The following CFAP47 variants were observed in gnomAD, a reference collection of about 807,000 sequenced individuals.
The protein encoded by CFAP47 is cilia- and flagella-associated protein 47.
Under a neutral mutation model 148.1 loss-of-function variants are expected in CFAP47, and 29 were observed. The ratio of observed to expected loss-of-function variants is 0.20; its 90% confidence interval spans 0.15 to 0.27. The LOEUF (loss-of-function observed/expected upper bound fraction) is 0.27. Ranked by LOEUF, CFAP47 falls within the 10% of genes least tolerant of loss-of-function variation. The pLI is 1.00. For synonymous variants in CFAP47, 664 were observed against 577.3 expected (o/e 1.15, Z -2.15); for missense variants, 1,872 against 1,697.5 (o/e 1.10, Z -1.81).
intron 39 of CFAP47, among the ~76,000 whole-genome samples, chrX:36,176,576 ATCACGTTGT>A (rs1341670013): frequency 8.9e-6 from 1 of 112,001 alleles, no homozygotes; most frequent in Non-Finnish European, 1.9e-5. Flanking sequence ...TAATATTAGA[ATCACGTTGT>A]TCTAGGTCAG....
chrX:36,113,924 C>T (rs1378331252), intron 33 of CFAP47, among the ~76,000 whole-genome samples: 1 of 108,896 alleles, frequency 9.2e-6, no homozygotes, highest in African/African-American at 3.4e-5. Flanking sequence ...ATTCTCCTGC[C>T]TCAGACTCCT....
chrX:36,087,876 C>T (rs777159007), intron 30 of CFAP47, among the ~76,000 whole-genome samples: 2 of 111,398 alleles, frequency 1.8e-5, no homozygotes, highest in African/African-American at 3.3e-5. Context: ...GAGCAAACAA[C>T]GTAAATTTTT....
At position 36,065,725 on chromosome X, in the gene CFAP47, A is replaced by T; in HGVS notation, c.4300A>T (p.Asn1434Tyr). ...PYMAIHLDKQ[N>Y]IILKNDKDEY... ...TATGGCAATTCATCTGGATAAGCAAAACATTATTTTAAAGAATGGTAAGCT... is the reference window on the plus strand; with the variant it reads ...TATGGCAATTCATCTGGATAAGCAATACATTATTTTAAAGAATGGTAAGCT... The change falls in exon 27 of 64, where the codon AAC (asparagine) becomes TAC (tyrosine). Residue 1434 changes from asparagine (N) to tyrosine (Y), a missense_variant. Asn to Tyr is a moderately radical substitution (Grantham distance 143). Transcript: ENST00000378653. 1 of 1,162,633 alleles carries T rather than the reference A, an allele frequency of 8.6e-7. No individual in the cohort carries two copies. The highest frequency in any genetic ancestry group is 3.0e-5 in the East Asian group (1 of 33,463).
chrX:35,972,221 A>C (rs866652823), intron 13 of CFAP47, among the ~76,000 whole-genome samples: 1 of 108,248 alleles, frequency 9.2e-6, no homozygotes, highest in African/African-American at 3.4e-5. Flanking sequence ...GTTACTCTCT[A>C]TTTCTTTCTT....
intron 27 of CFAP47, among the ~76,000 whole-genome samples, chrX:36,066,936 A>T (rs1420717832): frequency 8.9e-6 from 1 of 112,074 alleles, no homozygotes; most frequent in Non-Finnish European, 1.9e-5. Context: ...AGGAAAAAAA[A>T]TTCAGGGGTA....
intron 62 of CFAP47, chrX:36,374,660 A>G: frequency 6.6e-6 from 2 of 305,201 alleles, no homozygotes; most frequent in Non-Finnish European, 1.1e-5. Context: ...GATATTTATC[A>G]TTATAAGATT....
At chrX:36,277,062 G>T (rs960181211) in intron 49 of CFAP47, among the ~76,000 whole-genome samples, 1 of 111,827 alleles carries the variant, frequency 8.9e-6, no homozygotes, top group Admixed American at 9.5e-5. Context: ...GAACCTTCCT[G>T]TGGCTTCTTT....
At chrX:36,041,447 T>C (rs1468630957) in intron 25 of CFAP47, among the ~76,000 whole-genome samples, 1 of 111,784 alleles carries the variant, frequency 8.9e-6, no homozygotes, top group Non-Finnish European at 1.9e-5. Context: ...GGGTTAATAC[T>C]TGAAACTTCA....
chrX:36,039,605 G>A (rs764271056), intron 25 of CFAP47, among the ~76,000 whole-genome samples: 10 of 112,229 alleles, frequency 8.9e-5, no homozygotes, highest in Non-Finnish European at 1.5e-4. Context: ...ATAAGCAGAA[G>A]TCAAGGTGTT....
intron 49 of CFAP47, among the ~76,000 whole-genome samples, chrX:36,251,936 C>T (rs1940697438): frequency 9.0e-6 from 1 of 110,789 alleles, no homozygotes; most frequent in South Asian, 3.7e-4. Flanking sequence ...CCGCAATGGT[C>T]CCAGAACAGA....
At chrX:36,371,924 G>GTA (rs200941908) in intron 62 of CFAP47, among the ~76,000 whole-genome samples, 601 of 59,951 alleles carry the variant, frequency 0.01, 105 homozygotes, top group African/African-American at 0.07. Flanking sequence ...GTATATATGT[G>GTA]TATATACACA....
chrX:36,261,320 C>CTT (rs143068749), intron 49 of CFAP47, among the ~76,000 whole-genome samples: 1,788 of 20,432 alleles, frequency 0.088, 222 homozygotes, highest in East Asian at 0.16. Flanking sequence ...AGATACTATT[C>CTT]TTTTTTTTTT....
Position 36,144,565 on chromosome X carries a change from G to GTT in CFAP47, c.5536-653_5536-652insTT, listed in dbSNP as rs748230492. ...CTGGCAACGTTTTGTTTCTAGGTGT[G>GTT]TCTGAGGGTGTTTCCAAAGGAGATG... On this transcript the variant is annotated intron_variant, in intron 35 of 63. Coordinates refer to ENST00000378653, the MANE Select transcript of CFAP47 (RefSeq NM_001304548.2). The GTT allele has an allele frequency of 1.4e-5, 14 of 967,442 alleles. No individual in the cohort carries two copies. The South Asian group carries it at 2.8e-4, about 20-fold the overall frequency. 79.7% of individuals were successfully genotyped at this position (967,442 alleles called of 1,213,427 possible).
rs753370515 is a variant in CFAP47, at chrX:35,919,848, C to T, written c.49C>T (p.Leu17Phe). Residue 17 changes from leucine to phenylalanine, a missense_variant, in exon 1 of 64, where the codon CTC becomes TTC. Coordinates refer to ENST00000378653, the MANE Select transcript of CFAP47 (RefSeq NM_001304548.2). ...CACCATAAACGTCCACAGAGGTTCC[C>T]TCGCCATGAGCATCCAAAGGGGTTC... ...SLTINVHRGS[L>F]AMSIQRGSLV... 2.5e-6 allele frequency: 3 copies of T among 1,209,463 alleles called. No individual in the cohort carries two copies. In the South Asian group the frequency reaches 5.3e-5, roughly 21 times the overall value.
At chrX:36,148,420 C>A (rs769546814) in intron 36 of CFAP47, among the ~76,000 whole-genome samples, 12 of 111,843 alleles carry the variant, frequency 1.1e-4, no homozygotes, top group Admixed American at 6.6e-4. Flanking sequence ...TTCAGACAAG[C>A]CTTACTGGAG....
At chrX:36,245,773 G>A (rs781906347) in intron 48 of CFAP47, among the ~76,000 whole-genome samples, 4 of 111,293 alleles carry the variant, frequency 3.6e-5, no homozygotes, top group Non-Finnish European at 5.7e-5. Flanking sequence ...ACACACCTAC[G>A]ATCATCTGAT....
Position 36,035,753 on chromosome X carries a change from A to T in CFAP47, c.3710A>T (p.Asn1237Ile), listed in dbSNP as rs1937330641. 6.8e-6 allele frequency: 2 copies of T among 294,301 alleles called. No homozygotes were observed. The highest frequency in any genetic ancestry group is 1.2e-5 in the Non-Finnish European group (2 of 169,269). The allele number at this position is 294,301 out of a possible 1,213,427, so 24.3% of individuals were successfully genotyped here. ...HHVTWTLDLS[N>I]TGKLFKDGTF... is the part of the protein sequence containing the mutation. ...GTGACATGGACTTTGGATCTTAGTA[A>T]TACTGGCAAACTTTTCAAAGACGGC... The change falls in exon 24 of 64, where the codon AAT (asparagine) becomes ATT (isoleucine). Residue 1237 changes from asparagine (N) to isoleucine (I), a missense_variant. Physicochemically the swap from Asn to Ile is moderately radical, Grantham distance 149. Transcript: ENST00000378653.
intron 29 of CFAP47, among the ~76,000 whole-genome samples, chrX:36,076,434 C>T (rs1288213567): frequency 9.6e-6 from 1 of 104,707 alleles, no homozygotes; most frequent in Non-Finnish European, 1.9e-5. Flanking sequence ...GCCATTCTGA[C>T]TGGTGTGAGA....
At chrX:36,042,623 A>G (rs919988327) in intron 25 of CFAP47, among the ~76,000 whole-genome samples, 2 of 111,251 alleles carry the variant, frequency 1.8e-5, no homozygotes, top group East Asian at 5.6e-4. Context: ...AGAACTGTAT[A>G]AAGAAAATTA....
Sources: gnomAD v4.1 joint callset for allele counts (sites outside exome capture counted in the v4.1 genomes callset) on GRCh38, gnomAD v4.1.1 for gene constraint, MANE v1.5 for transcripts, NCBI Gene and HGNC (gene_info 2026-07-23, HGNC 2026-07-21) for gene names.